Variants in SGSM2 observed in about 807,000 individuals in gnomAD.
SGSM2 encodes the protein small G protein signaling modulator 2.
Under a neutral mutation model 126.6 loss-of-function variants are expected in SGSM2, and 89 were observed. The ratio of observed to expected loss-of-function variants is 0.70; its 90% CI spans 0.59 to 0.84. The LOEUF (loss-of-function observed/expected upper bound fraction) is 0.84, where lower values mean the gene tolerates loss of function less well. SGSM2 is among the 40% of genes least tolerant of loss of function. The pLI is 0.00. For synonymous variants in SGSM2, 614 were observed against 574.3 expected, an observed-to-expected ratio of 1.07 and a Z score of -0.99; for missense variants, 1,404 against 1,416.6, an observed-to-expected ratio of 0.99 and a Z score of 0.14.
intron 2 of SGSM2, among the ~76,000 whole-genome samples, chr17:2,347,360 G>A (rs1280511366): frequency 6.6e-6 from 1 of 151,302 alleles, no homozygotes; most frequent in East Asian, 1.9e-4. Context: ...GCCCACCTTG[G>A]CCTCCCAAAG....
chr17:2,350,683 G>T (rs180828141), intron 2 of SGSM2, among the ~76,000 whole-genome samples: 1 of 152,106 alleles, frequency 6.6e-6, no homozygotes, highest in African/African-American at 2.4e-5. Context: ...CCAGCGTGCC[G>T]GTGGAAGGTG....
chr17:2,364,853 G>C, intron 9 of SGSM2, 44 bp from the exon 10 acceptor site: 1 of 1,595,192 alleles, frequency 6.3e-7, no homozygotes, highest in Non-Finnish European at 8.5e-7. Context: ...GGGTGTGATA[G>C]CCGACGAGAG....
chr17:2,351,960 G>A (rs938475098), intron 2 of SGSM2, among the ~76,000 whole-genome samples: 1 of 152,102 alleles, frequency 6.6e-6, no homozygotes, highest in Non-Finnish European at 1.5e-5. Flanking sequence ...CCTAGTTACC[G>A]CAGAAACGCT....
intron 2 of SGSM2, among the ~76,000 whole-genome samples, chr17:2,346,943 G>A (rs1163613420): frequency 2.0e-5 from 3 of 152,008 alleles, no homozygotes; most frequent in Non-Finnish European, 4.4e-5. Flanking sequence ...TAAATAACTC[G>A]CTGGGCATGG....
At chr17:2,343,393 CTT>C (rs1446351994) in intron 1 of SGSM2, 150 bp from the exon 2 acceptor site, 1 of 701,458 alleles carries the variant, frequency 1.4e-6, no homozygotes. Flanking sequence ...GCTGAAGAAA[CTT>C]TGCTTCCCCA....
intron 2 of SGSM2, among the ~76,000 whole-genome samples, chr17:2,350,761 G>A (rs1450412374): frequency 3.3e-5 from 5 of 152,226 alleles, no homozygotes; most frequent in Admixed American, 2.6e-4. Flanking sequence ...GGCATGAGGT[G>A]CAGGGAGGGA....
chr17:2,363,170 G>T lies in SGSM2; in HGVS notation c.672+36G>T. 6.4e-7 allele frequency: 1 copy of T among 1,559,702 alleles called. No individual in the cohort carries two copies. On this transcript the variant is annotated intron_variant, in intron 6 of 23. Coordinates refer to ENST00000268989, the MANE Select transcript of SGSM2 (RefSeq NM_014853.3). This position sits in a 1 kb window ranked among gnomAD's most constrained non-coding sequence, Gnocchi z 4.2. ...CCTCCCCACCCTTTGGGCTCATCTG[G>T]GCTATGCCCATGGGCCTGTAGGGAC...
intron 17 of SGSM2, 133 bp downstream of exon 17, chr17:2,373,646 T>C (rs11655537): frequency 0.17 from 126,280 of 742,232 alleles, 12,293 homozygotes; most frequent in Middle Eastern, 0.23. Context: ...TGCCTGTGTC[T>C]CATTTTCTCC....
intron 19 of SGSM2, 76 bp downstream of exon 19, chr17:2,376,337 G>A (rs1449586198): frequency 1.3e-6 from 2 of 1,584,950 alleles, no homozygotes; most frequent in Non-Finnish European, 1.7e-6. Flanking sequence ...AGGTCCGGAA[G>A]GTGCCCTGCT....
In SGSM2 at chr17:2,380,508, G is replaced by A; in HGVS notation, c.*988G>A. On this transcript the variant is annotated 3_prime_UTR_variant, in exon 24 of 24. Coordinates refer to ENST00000268989, the MANE Select transcript of SGSM2 (RefSeq NM_014853.3). The stretch of plus-strand genomic sequence containing the variant: ...GGGTGTCCCCATCTGTCCCTGGTGA[G>A]AAGCAAGGCTAGCTCTGCCTTCCAC... The A allele has an allele frequency of 1.6e-6, 1 of 613,514 alleles. No homozygotes were observed. Among genetic ancestry groups the A allele is most frequent in the South Asian group, 1.9e-5 (1 of 52,904 alleles). The allele number at this position is 613,514 out of a possible 1,614,324, so 38.0% of individuals were successfully genotyped here.
rs769098585 is a variant in SGSM2 at position 2,372,443 on chromosome 17, G to A, written c.1743G>A (p.Ala581=). ...CTGACCGGCCCCCGGGGGCCTCCGC[G>A]GGCCTCACCAAGGACGTGTGGAGCA... is the stretch of plus-strand genomic sequence containing the variant. ...IPPDRPPGAS[A]GLTKDVWSKY... is the part of the protein sequence containing the mutation. Residue 581 remains alanine (A), a synonymous_variant, in exon 15 of 24, where the codon GCG becomes GCA. Coordinates refer to ENST00000268989, the MANE Select transcript of SGSM2 (RefSeq NM_014853.3). This position sits in a 1 kb window ranked among gnomAD's most constrained non-coding sequence, Gnocchi z 6.0. 1.1e-5 allele frequency: 18 copies of A among 1,600,440 alleles called. No individual in the cohort carries two copies. The highest frequency in any genetic ancestry group is 6.7e-5 in the African/African-American group (5 of 74,270).
chr17:2,342,982 A>C lies in SGSM2; in HGVS notation c.58-563A>C, dbSNP rs181717818. Among the ~76,000 whole-genome samples the C allele has an allele frequency of 2.6e-5, 4 of 152,326 alleles. No homozygotes were observed. The East Asian group carries it at 5.8e-4, about 22-fold the overall frequency. ...ACAGAGCGAGACTCCATCTCAAAAA[A>C]AAATGACTGTTTACCTTACAAGGTA... On this transcript the variant is annotated intron_variant, in intron 1 of 23. Transcript: ENST00000268989.
rs139639686 is a variant in SGSM2 at position 2,373,336 on chromosome 17, C to G, written c.1923C>G (p.Asp641Glu). 6.2e-7 allele frequency: 1 copy of G among 1,611,914 alleles called. No homozygotes were observed. The highest frequency in any genetic ancestry group is 1.3e-5 in the African/African-American group (1 of 74,962). ...GTGGTGTGGTCTGAGTACAGGTGGA[C>G]GCAGTGGTGGCAGCAAGGTACCAGC... ...GMSKKEMEQV[D>E]AVVAARYQQV... Residue 641 changes from aspartate (D) to glutamate (E), a missense_variant, in exon 17 of 24, where the codon GAC (aspartate) becomes GAG (glutamate). Transcript: ENST00000268989.
rs368752919 is a variant in SGSM2, at chr17:2,372,949, T to G, written c.1789-4T>G. 2 of 1,559,668 alleles carry G rather than the reference T, an allele frequency of 1.3e-6. No individual in the cohort carries two copies. Among genetic ancestry groups the G allele is most frequent in the Non-Finnish European group, 1.7e-6 (2 of 1,151,568 alleles). On this transcript the variant is annotated splice_polypyrimidine_tract_variant and splice_region_variant and intron_variant, in intron 15 of 23. Coordinates refer to ENST00000268989, the MANE Select transcript of SGSM2 (RefSeq NM_014853.3). This position sits in a 1 kb window ranked among gnomAD's most constrained non-coding sequence, Gnocchi z 6.0. Reference sequence around the variant, plus strand: ...GCACAGTCTTGACTCCCCGGGTCCCTCAGAACTACAAAGAGCTGGAGCTGC... The same window carrying G: ...GCACAGTCTTGACTCCCCGGGTCCCGCAGAACTACAAAGAGCTGGAGCTGC...
chr17:2,354,877 G>T (rs1315879140), intron 2 of SGSM2, among the ~76,000 whole-genome samples: 1 of 138,936 alleles, frequency 7.2e-6, no homozygotes, highest in African/African-American at 3.1e-5. Flanking sequence ...TGGTGGAATC[G>T]GGGTGTAAGC....
At chr17:2,349,250 C>T (rs968233593) in intron 2 of SGSM2, among the ~76,000 whole-genome samples, 7 of 152,144 alleles carry the variant, frequency 4.6e-5, no homozygotes, top group African/African-American at 1.7e-4. Flanking sequence ...ATGGTGCACG[C>T]CTGTAATCCC....
intron 16 of SGSM2, 98 bp downstream of exon 16, chr17:2,373,179 G>A: frequency 1.9e-6 from 3 of 1,563,942 alleles, no homozygotes; most frequent in Non-Finnish European, 2.6e-6. Context: ...TTCCCAGCCG[G>A]AAAGAAGCAT....
In SGSM2 at chr17:2,364,630, A is replaced by G. The variant is rs2065470520; in HGVS notation, c.967A>G (p.Ser323Gly). 5 of 1,614,216 alleles carry G rather than the reference A, an allele frequency of 3.1e-6. No individual in the cohort carries two copies. Among genetic ancestry groups the G allele is most frequent in the African/African-American group, 1.3e-5 (1 of 75,066 alleles). Reference protein sequence around the residue: ...YWDYALVVPFSQVVCIHCHQQ... With the variant: ...YWDYALVVPFGQVVCIHCHQQ... ...GGACTATGCCCTCGTGGTGCCCTTCAGCCAGGTCGTGTGCATCCACTGCCA... is the reference window on the plus strand; with the variant it reads ...GGACTATGCCCTCGTGGTGCCCTTCGGCCAGGTCGTGTGCATCCACTGCCA... The change falls in exon 9 of 24, where the codon AGC becomes GGC. Residue 323 changes from serine (S) to glycine (G), a missense_variant. Physicochemically the swap from Ser to Gly is moderately conservative, Grantham distance 56. Coordinates refer to ENST00000268989, the MANE Select transcript of SGSM2 (RefSeq NM_014853.3).
chr17:2,373,481 C>G lies in SGSM2; in HGVS notation c.2068C>G (p.Leu690Val). The G allele has an allele frequency of 6.3e-7, 1 of 1,578,960 alleles. No homozygotes were observed. Residue 690 changes from leucine (L) to valine (V), a missense_variant, in exon 17 of 24, where the codon CTC becomes GTC. Transcript: ENST00000268989. ...CAGCATCGACAGCCACGTGCAGCGC[C>G]TCATCCACCGAGACTCCACCATCAG... is the stretch of plus-strand genomic sequence containing the variant. ...GSSIDSHVQR[L>V]IHRDSTISND... is the part of the protein sequence containing the mutation.
Sources: gnomAD v4.1 joint callset for allele counts (sites outside exome capture counted in the v4.1 genomes callset) on GRCh38, gnomAD v4.1.1 for gene constraint, Gnocchi (gnomAD v3.1) non-coding constraint, MANE v1.5 for transcripts, NCBI Gene and HGNC (gene_info 2026-07-23, HGNC 2026-07-21) for gene names.